STAG1: variants seen among roughly 807,000 people sequenced by gnomAD.
STAG1 encodes cohesin subunit SA-1.
In STAG1, 26 loss-of-function variants were observed where a neutral mutation model predicts 170.9. The observed-to-expected ratio is 0.15, with a 90% CI of 0.11 to 0.21. STAG1 has a LOEUF of 0.21. Among genes scored for constraint, STAG1 ranks in the 10% least tolerant of loss-of-function variants. The probability of loss-of-function intolerance (pLI) is 1.00; values close to 1 mark genes in which losing one functional copy is unlikely to be tolerated. For missense variants in STAG1, 964 were observed against 1,509.5 expected (o/e 0.64, Z 5.99); for synonymous variants, 514 against 497.7 (o/e 1.03, Z -0.44).
chr3:136,609,197 C>CAGCAG (rs1939128907), intron 3 of STAG1: 1 of 152,930 alleles, frequency 6.5e-6, no homozygotes, highest in African/African-American at 2.4e-5. Context: ...CAAACAGGGC[C>CAGCAG]AGGTACAGTG....
chr3:136,340,479 G>T lies in STAG1; in HGVS notation c.3672+12C>A, dbSNP rs367689506. The T allele has an allele frequency of 3.2e-6, 5 of 1,548,206 alleles. No homozygotes were observed. The highest frequency in any genetic ancestry group is 4.5e-6 in the Non-Finnish European group (5 of 1,120,074). The stretch of plus-strand genomic sequence containing the variant: ...TATTTTAACAAAAGAAAAATATAGT[G>T]AATTTCTCTACCAGATCAATAACCA... On this transcript the variant is annotated intron_variant, in intron 32 of 33. Coordinates refer to ENST00000383202, the MANE Select transcript of STAG1 (RefSeq NM_005862.3).
rs1375220735 is a variant in STAG1 at position 136,463,767 on chromosome 3, G to GTGTGTGTGTA, written c.1313+1113_1313+1114insTACACACACA. Among the ~76,000 whole-genome samples, 214 of 58,738 alleles carry GTGTGTGTGTA rather than the reference G, an allele frequency of 3.6e-3. 1 individual carries two copies. Among genetic ancestry groups the GTGTGTGTGTA allele is most frequent in the African/African-American group, 7.4e-3 (181 of 24,344 alleles). 38.5% of individuals were successfully genotyped at this position (58,738 alleles called of 152,430 possible). A position where few individuals can be genotyped will look rare whatever the true frequency, so the allele number is the denominator to read the frequency against. ...TGTGTGTGTGTGTGTGTGTGTGTGT[G>GTGTGTGTGTA]TATACACACACACACACACACACAT... On this transcript the variant is annotated intron_variant, in intron 13 of 33. Coordinates refer to ENST00000383202, the MANE Select transcript of STAG1 (RefSeq NM_005862.3).
In STAG1 at chr3:136,562,863, C is replaced by A. The variant is rs372038635; in HGVS notation, c.394+5902G>T. Among the ~76,000 whole-genome samples, 18 of 152,322 alleles carry A rather than the reference C, an allele frequency of 1.2e-4. No homozygotes were observed. The South Asian group carries it at 3.7e-3, about 32-fold the overall frequency. On this transcript the variant is annotated intron_variant, in intron 5 of 33. Coordinates refer to ENST00000383202, the MANE Select transcript of STAG1 (RefSeq NM_005862.3). ...TCAGCCTCCCAAAGTGCTGGGATTA[C>A]AGGTGTGAGTCACGACGCCCAGCAT...
chr3:136,484,772 G>T (rs1227170284), intron 9 of STAG1, among the ~76,000 whole-genome samples: 1 of 151,486 alleles, frequency 6.6e-6, no homozygotes, highest in Non-Finnish European at 1.5e-5. Flanking sequence ...GTGGGATATA[G>T]TCTCCTGGTG....
At chr3:136,584,424 G>A (rs1937704991) in intron 4 of STAG1, among the ~76,000 whole-genome samples, 1 of 152,120 alleles carries the variant, frequency 6.6e-6, no homozygotes, top group South Asian at 2.1e-4. Flanking sequence ...TCACATGCAA[G>A]CCATCCTGTT....
chr3:136,521,441 TTAAG>T, intron 6 of STAG1, 24 bp from the exon 7 acceptor site: 1 of 1,602,210 alleles, frequency 6.2e-7, no homozygotes, highest in Non-Finnish European at 8.5e-7. Flanking sequence ...AAAGAACATA[TTAAG>T]TATGTCACAT....
At chr3:136,509,509 A>G (rs1285352478) in intron 7 of STAG1, among the ~76,000 whole-genome samples, 1 of 152,150 alleles carries the variant, frequency 6.6e-6, no homozygotes, top group Non-Finnish European at 1.5e-5. Context: ...ACGGAATATG[A>G]AAGAGGAAGA....
chr3:136,738,059 C>T (rs940774820), intron 1 of STAG1, among the ~76,000 whole-genome samples: 1 of 152,080 alleles, frequency 6.6e-6, no homozygotes, highest in African/African-American at 2.4e-5. Context: ...CACAGTGAGA[C>T]TCTGTCTCAA....
chr3:136,592,897 G>A (rs1435957384), intron 4 of STAG1, among the ~76,000 whole-genome samples: 1 of 152,184 alleles, frequency 6.6e-6, no homozygotes, highest in Admixed American at 6.5e-5. Context: ...CTACAACTTG[G>A]TATAGATGAT....
chr3:136,719,855 T>C (rs1933123903), intron 1 of STAG1, among the ~76,000 whole-genome samples: 2 of 152,146 alleles, frequency 1.3e-5, no homozygotes, highest in African/African-American at 4.8e-5. Flanking sequence ...TTTGTAAGGA[T>C]AAATCCAATC....
At chr3:136,549,322 T>C (rs545868773) in intron 5 of STAG1, among the ~76,000 whole-genome samples, 19 of 152,252 alleles carry the variant, frequency 1.2e-4, no homozygotes, top group East Asian at 5.8e-4. Context: ...CTTTTTTTTT[T>C]CCCTTGAGAC....
intron 1 of STAG1, among the ~76,000 whole-genome samples, chr3:136,644,902 G>A (rs1223503291): frequency 6.6e-6 from 1 of 151,860 alleles, no homozygotes; most frequent in East Asian, 1.9e-4. Context: ...TTGTATTTTT[G>A]GTAGAGACAC....
At chr3:136,536,079 T>C (rs1015723745) in intron 6 of STAG1, among the ~76,000 whole-genome samples, 1 of 152,202 alleles carries the variant, frequency 6.6e-6, no homozygotes, top group Non-Finnish European at 1.5e-5. Flanking sequence ...CTAATCCAGA[T>C]AGTATTTCAT....
intron 23 of STAG1, among the ~76,000 whole-genome samples, chr3:136,370,491 C>A (rs1248402374): frequency 1.3e-5 from 2 of 152,132 alleles, no homozygotes; most frequent in African/African-American, 2.4e-5. Flanking sequence ...GGTGTATCTC[C>A]TAATGCTATC....
At chr3:136,428,539 C>A (rs556461578) in intron 16 of STAG1, among the ~76,000 whole-genome samples, 119 of 152,176 alleles carry the variant, frequency 7.8e-4, no homozygotes, top group Non-Finnish European at 1.6e-3. Flanking sequence ...TCCATAGAAC[C>A]CTTAAAGGTC....
At chr3:136,744,901 T>C (rs112331056) in intron 1 of STAG1, among the ~76,000 whole-genome samples, 175 of 152,228 alleles carry the variant, frequency 1.1e-3, no homozygotes, top group African/African-American at 2.4e-3. Context: ...GTCTCCAACT[T>C]CTGACCTCAA....
At chr3:136,512,926 G>A (rs1934147448) in intron 7 of STAG1, among the ~76,000 whole-genome samples, 1 of 152,034 alleles carries the variant, frequency 6.6e-6, no homozygotes, top group African/African-American at 2.4e-5. Context: ...TGTCCAATAT[G>A]AATTACAGTT....
chr3:136,604,366 C>A lies in STAG1; in HGVS notation c.240G>T (p.Gly80=), dbSNP rs1426703660. The change falls in exon 4 of 34, where the codon GGG becomes GGT. Residue 80 remains glycine (G), a synonymous_variant. Coordinates refer to ENST00000383202, the MANE Select transcript of STAG1 (RefSeq NM_005862.3). ...GRANGHPQQN[G]EGEPVTLFEV... ...CAAATAATGTGACAGGCTCCCCTTCCCCATTCTGTTGAGGGTGTCCATTAG... is the reference window on the plus strand; with the variant it reads ...CAAATAATGTGACAGGCTCCCCTTCACCATTCTGTTGAGGGTGTCCATTAG... 1 of 1,613,648 alleles carries A rather than the reference C, an allele frequency of 6.2e-7. No homozygotes were observed. The highest frequency in any genetic ancestry group is 1.7e-5 in the Admixed American group (1 of 59,946).
At chr3:136,469,627 A>G (rs1364575010) in intron 12 of STAG1, among the ~76,000 whole-genome samples, 1 of 152,262 alleles carries the variant, frequency 6.6e-6, no homozygotes, top group African/African-American at 2.4e-5. Flanking sequence ...AGAATTGGAA[A>G]AAACTACATT....
Sources: gnomAD v4.1 joint callset for allele counts (sites outside exome capture counted in the v4.1 genomes callset) on GRCh38, gnomAD v4.1.1 for gene constraint, MANE v1.5 for transcripts, NCBI Gene and HGNC (gene_info 2026-07-23, HGNC 2026-07-21) for gene names.